ACSF2: variants seen among roughly 807,000 people sequenced by gnomAD.
ACSF2 encodes medium-chain acyl-CoA ligase ACSF2, mitochondrial.
Under a neutral mutation model 79.3 loss-of-function variants are expected in ACSF2, and 52 were observed. The ratio of observed to expected loss-of-function variants is 0.66; its 90% CI spans 0.53 to 0.83. The LOEUF is 0.83. Among genes scored for constraint, ACSF2 ranks in the 40% least tolerant of loss-of-function variants. The probability of loss-of-function intolerance (pLI) is 0.00; values close to 1 mark genes in which losing one functional copy is unlikely to be tolerated. For synonymous variants in ACSF2, 283 were observed against 312.6 expected, an observed-to-expected ratio of 0.91 and a Z score of 1.00; for missense variants, 661 against 803.3, an observed-to-expected ratio of 0.82 and a Z score of 2.14.
chr17:50,434,665 A>G (rs1008381409), intron 1 of ACSF2, among the ~76,000 whole-genome samples: 3 of 152,052 alleles, frequency 2.0e-5, no homozygotes, highest in African/African-American at 7.2e-5. Flanking sequence ...CAGCCTGGGC[A>G]AAAGAGCAAA....
rs566043266 is a variant in ACSF2, at chr17:50,472,596, G to C, written c.1475+17G>C. On this transcript the variant is annotated intron_variant, in intron 12 of 15. Coordinates refer to ENST00000300441, the MANE Select transcript of ACSF2 (RefSeq NM_025149.6). The stretch of plus-strand genomic sequence containing the variant: ...TTGGACAGGGTGAGAAGGCAGGGCG[G>C]GGTGGAGGCTCTGGCCGCTGAGGGG... 5 of 1,572,992 alleles carry C rather than the reference G, an allele frequency of 3.2e-6. No homozygotes were observed. Among genetic ancestry groups the C allele is most frequent in the Non-Finnish European group, 2.6e-6 (3 of 1,158,802 alleles).
chr17:50,465,939 C>A, intron 10 of ACSF2: 1 of 1,572,946 alleles, frequency 6.4e-7, no homozygotes. Context: ...ACCCGAGTGC[C>A]AGAGGGGCAG....
Position 50,440,806 on chromosome 17 carries a change from G to T in ACSF2, c.128+14417G>T, listed in dbSNP as rs141280446. ...TGGGTCCGACCAGGTGGCTGCACAG[G>T]TAGGGTGCAGAGCCACTATGGGTTG... On this transcript the variant is annotated intron_variant, in intron 1 of 15. Transcript: ENST00000300441. 2.6e-3 allele frequency among the ~76,000 whole-genome samples: 400 copies of T among 152,384 alleles called. 2 individuals are homozygous for T. The highest frequency in any genetic ancestry group is 8.8e-3 in the African/African-American group (368 of 41,590).
intron 1 of ACSF2, among the ~76,000 whole-genome samples, chr17:50,452,828 T>C (rs2031761909): frequency 6.6e-6 from 1 of 152,214 alleles, no homozygotes; most frequent in Non-Finnish European, 1.5e-5. Flanking sequence ...GCACATTGCA[T>C]TGATATGAGT....
intron 10 of ACSF2, chr17:50,465,969 G>T: frequency 7.4e-7 from 1 of 1,349,690 alleles, no homozygotes; most frequent in Non-Finnish European, 1.0e-6. Flanking sequence ...CTGAACCTGA[G>T]CCATAGCACT....
At chr17:50,467,879 T>G in intron 10 of ACSF2, 1 of 650,446 alleles carries the variant, frequency 1.5e-6, no homozygotes, top group Non-Finnish European at 2.6e-6. Flanking sequence ...GGTAGGGATG[T>G]GACAAGGCGA....
At chr17:50,426,759 C>CA in intron 1 of ACSF2, 1 of 877,644 alleles carries the variant, frequency 1.1e-6, no homozygotes, top group Non-Finnish European at 1.7e-6. Context: ...GTTGGAACCC[C>CA]TTCATGGGCA....
chr17:50,463,701 C>G lies in ACSF2; in HGVS notation c.1047-117C>G. The G allele has an allele frequency of 3.4e-6, 5 of 1,478,866 alleles. No homozygotes were observed. The highest frequency in any genetic ancestry group is 3.7e-6 in the Non-Finnish European group (4 of 1,074,204). 91.6% of individuals were successfully genotyped at this position (1,478,866 alleles called of 1,614,324 possible). ...GAGGACCCCCAGGAGAGGACCAGTT[C>G]CTGCCTCAGGAGCTTCTCCTGCCTA... On this transcript the variant is annotated intron_variant, in intron 8 of 15. Transcript: ENST00000300441. This position sits in a 1 kb window ranked among gnomAD's most constrained non-coding sequence, Gnocchi z 4.6.
chr17:50,471,451 C>T lies in ACSF2; in HGVS notation c.1323+316C>T. On this transcript the variant is annotated intron_variant, in intron 11 of 15. Coordinates refer to ENST00000300441, the MANE Select transcript of ACSF2 (RefSeq NM_025149.6). The surrounding 1 kb of genome is among the most constrained non-coding windows in gnomAD (Gnocchi z 4.1). Reference sequence around the variant, plus strand: ...AGCCAGGGTAGCCTCAAAGAGGAGCCAGAGCACAGAGAGTTTTCCTACACA... The same window carrying T: ...AGCCAGGGTAGCCTCAAAGAGGAGCTAGAGCACAGAGAGTTTTCCTACACA... The T allele has an allele frequency of 2.6e-6, 1 of 381,450 alleles. No homozygotes were observed. Among genetic ancestry groups the T allele is most frequent in the East Asian group, 5.1e-5 (1 of 19,614 alleles). 23.6% of individuals were successfully genotyped at this position (381,450 alleles called of 1,614,324 possible). A position where few individuals can be genotyped will look rare whatever the true frequency, so the allele number is the denominator to read the frequency against.
At chr17:50,438,074 C>T (rs868081958) in intron 1 of ACSF2, among the ~76,000 whole-genome samples, 1 of 152,102 alleles carries the variant, frequency 6.6e-6, no homozygotes, top group African/African-American at 2.4e-5. Flanking sequence ...TACAGTTGTC[C>T]CCCAGTATCT....
chr17:50,465,515 C>T, intron 10 of ACSF2: 2 of 1,563,560 alleles, frequency 1.3e-6, no homozygotes, highest in South Asian at 2.3e-5. Flanking sequence ...ACTATGGGGC[C>T]AGGATTGACT....
chr17:50,457,901 C>T (rs1480177874), intron 1 of ACSF2, among the ~76,000 whole-genome samples: 2 of 152,122 alleles, frequency 1.3e-5, no homozygotes, highest in African/African-American at 2.4e-5. Context: ...AGAATCCTCA[C>T]CCAGTCCCAC....
At chr17:50,461,184 T>C (rs1413391552) in intron 2 of ACSF2, 58 bp from the exon 3 acceptor site, 1 of 1,610,340 alleles carries the variant, frequency 6.2e-7, no homozygotes, top group Non-Finnish European at 8.5e-7. Flanking sequence ...AGGGTGGGAG[T>C]CTTGGGCCCC....
chr17:50,426,917 G>A (rs568645871), intron 1 of ACSF2: 1 of 1,535,752 alleles, frequency 6.5e-7, no homozygotes, highest in Non-Finnish European at 8.7e-7. Context: ...CAAGGGGTGG[G>A]ATGGAAGCTG....
chr17:50,473,309 G>T (rs1432126486), intron 12 of ACSF2: 3 of 259,970 alleles, frequency 1.2e-5, no homozygotes, highest in Non-Finnish European at 2.3e-5. Context: ...AATGAAATAG[G>T]GTTATAGGAG....
chr17:50,426,343 T>C lies in ACSF2; in HGVS notation c.82T>C (p.Ser28Pro). 1 of 1,422,372 alleles carries C rather than the reference T, an allele frequency of 7.0e-7. No individual in the cohort carries two copies. The highest frequency in any genetic ancestry group is 9.2e-7 in the Non-Finnish European group (1 of 1,081,718). 88.1% of individuals were successfully genotyped at this position (1,422,372 alleles called of 1,614,324 possible). A position where few individuals can be genotyped will look rare whatever the true frequency, so the allele number is the denominator to read the frequency against. ...SGVLGARAAL[S>P]RSWQEARLQG... Reference sequence around the variant, plus strand: ...GGTGCTGGGGGCCCGGGCCGCCCTCTCTCGGAGTTGGCAGGAAGCCAGGTT... The same window carrying C: ...GGTGCTGGGGGCCCGGGCCGCCCTCCCTCGGAGTTGGCAGGAAGCCAGGTT... Residue 28 changes from serine to proline, a missense_variant, in exon 1 of 16, where the codon TCT becomes CCT. Physicochemically the swap from Ser to Pro is moderately conservative, Grantham distance 74. Transcript: ENST00000300441.
At chr17:50,455,231 C>T (rs951422407) in intron 1 of ACSF2, among the ~76,000 whole-genome samples, 12 of 152,208 alleles carry the variant, frequency 7.9e-5, no homozygotes, top group African/African-American at 2.9e-4. Context: ...GATCCACCCA[C>T]CTCGGCCTCC....
At chr17:50,445,097 T>G (rs1438299237) in intron 1 of ACSF2, among the ~76,000 whole-genome samples, 1 of 152,040 alleles carries the variant, frequency 6.6e-6, no homozygotes, top group East Asian at 1.9e-4. Flanking sequence ...AAATTTTTTA[T>G]AGAGACAGGA....
intron 1 of ACSF2, among the ~76,000 whole-genome samples, chr17:50,456,917 T>C (rs1442901682): frequency 6.6e-6 from 1 of 151,642 alleles, no homozygotes; most frequent in East Asian, 1.9e-4. Flanking sequence ...AAATAAAAAT[T>C]AGCTGGGTGT....
Sources: allele counts gnomAD v4.1 joint callset (sites outside exome capture counted in the v4.1 genomes callset), GRCh38; gene constraint gnomAD v4.1.1; non-coding constraint Gnocchi (gnomAD v3.1); transcripts MANE v1.5; gene names NCBI Gene and HGNC (gene_info 2026-07-23, HGNC 2026-07-21).